The following POM121L12 variants were observed in gnomAD, a reference collection of about 807,000 sequenced individuals.
The protein encoded by POM121L12 is POM121-like protein 12.
For synonymous variants in POM121L12, 251 were observed against 179.2 expected (o/e 1.40, Z -3.20); for missense variants, 553 against 409.2 (o/e 1.35, Z -3.03).
chr7:53,036,065 C>T lies in POM121L12; in HGVS notation c.394C>T (p.Arg132Trp), dbSNP rs371219263. 21 of 1,612,950 alleles carry T rather than the reference C, an allele frequency of 1.3e-5. No homozygotes were observed. Among genetic ancestry groups the T allele is most frequent in the Non-Finnish European group, 1.5e-5 (18 of 1,179,848 alleles). Residue 132 changes from arginine to tryptophan, a missense_variant, in exon 1 of 1, where the codon CGG becomes TGG. Arg to Trp is a moderately radical substitution (Grantham distance 101). Coordinates refer to ENST00000408890, the MANE Select transcript of POM121L12 (RefSeq NM_182595.4). ...GCTGTGTCGTGCCTGGAACCCAGGA[C>T]GGACCTGGAGCCCGGTGACCATCGG... ...GGLCRAWNPG[R>W]TWSPVTIGIA...
In POM121L12 at chr7:53,035,917, C is replaced by A. The variant is rs754698994; in HGVS notation, c.246C>A (p.Pro82=). The A allele has an allele frequency of 1.2e-6, 2 of 1,612,706 alleles. No individual in the cohort carries two copies. The highest frequency in any genetic ancestry group is 1.7e-6 in the Non-Finnish European group (2 of 1,179,668). The change falls in exon 1 of 1, where the codon CCC becomes CCA. Residue 82 remains proline (P), a synonymous_variant. Transcript: ENST00000408890. ...VPSTHLIEVR[P]TQDPAKPQRV... ...GCACCCACCTCATCGAGGTGCGGCCCACCCAGGACCCCGCCAAGCCGCAGC... is the reference window on the plus strand; with the variant it reads ...GCACCCACCTCATCGAGGTGCGGCCAACCCAGGACCCCGCCAAGCCGCAGC...
rs1225308360 is a variant in POM121L12, at chr7:53,035,667, C to T, written c.-5C>T. ...AAGCGCCCAGAGGCCAACGGTCCCC[C>T]AGCCATGGGCGCTGCAGCTCCGGCC... is the stretch of plus-strand genomic sequence containing the variant. On this transcript the variant is annotated 5_prime_UTR_variant, in exon 1 of 1. Coordinates refer to ENST00000408890, the MANE Select transcript of POM121L12 (RefSeq NM_182595.4). The T allele has an allele frequency of 1.3e-6, 2 of 1,556,830 alleles. No individual in the cohort carries two copies. Among genetic ancestry groups the T allele is most frequent in the African/African-American group, 1.4e-5 (1 of 73,286 alleles).
rs966993074 is a variant in POM121L12 at position 53,036,757 on chromosome 7, C to T, written c.*195C>T. Reference sequence around the variant, plus strand: ...CCCCAGCAGCTGTTGATTTCAGAACCCTTGCCTTCGCCCTGCTGGCCCTCT... The same window carrying T: ...CCCCAGCAGCTGTTGATTTCAGAACTCTTGCCTTCGCCCTGCTGGCCCTCT... On this transcript the variant is annotated 3_prime_UTR_variant, in exon 1 of 1. Transcript: ENST00000408890. 3.6e-5 allele frequency: 22 copies of T among 613,768 alleles called. No individual in the cohort carries two copies. Among genetic ancestry groups the T allele is most frequent in the Middle Eastern group, 7.8e-4 (2 of 2,560 alleles). 38.0% of individuals were successfully genotyped at this position (613,768 alleles called of 1,614,324 possible). A position where few individuals can be genotyped will look rare whatever the true frequency, so the allele number is the denominator to read the frequency against.
rs201211581 is a variant in POM121L12, at chr7:53,035,776, G to C, written c.105G>C (p.Arg35Ser). 6.2e-6 allele frequency: 10 copies of C among 1,613,486 alleles called. No homozygotes were observed. The highest frequency in any genetic ancestry group is 3.3e-5 in the Admixed American group (2 of 60,006). ...ACGCCCTGGCGGCTCCCATGAGCAG[G>C]TCACCCAGCACGCCCCAGACCACGC... ...GPDALAAPMS[R>S]SPSTPQTTPS... The change falls in exon 1 of 1, where the codon AGG (arginine) becomes AGC (serine). Residue 35 changes from arginine (R) to serine (S), a missense_variant. Arg to Ser is a moderately radical substitution (Grantham distance 110). Transcript: ENST00000408890.
In POM121L12 at chr7:53,035,811, A is replaced by T; in HGVS notation, c.140A>T (p.Gln47Leu). 6.2e-7 allele frequency: 1 copy of T among 1,613,650 alleles called. No homozygotes were observed. Residue 47 changes from glutamine to leucine, a missense_variant, in exon 1 of 1, where the codon CAG (glutamine) becomes CTG (leucine). By Grantham distance (113) the Gln-to-Leu change is moderately radical. Coordinates refer to ENST00000408890, the MANE Select transcript of POM121L12 (RefSeq NM_182595.4). ...PSTPQTTPSP[Q>L]GRQSPWPLRS... The stretch of plus-strand genomic sequence containing the variant: ...ACGCCCCAGACCACGCCATCTCCCC[A>T]GGGTCGCCAGAGTCCCTGGCCCCTG...
rs2116358294 is a variant in POM121L12, at chr7:53,036,510, GGGT to G, written c.840_842del (p.Arg280_Val281delinsSer). The G allele has an allele frequency of 1.2e-6, 2 of 1,613,882 alleles. No individual in the cohort carries two copies. Among genetic ancestry groups the G allele is most frequent in the South Asian group, 2.2e-5 (2 of 91,066 alleles). On this transcript the variant is annotated inframe_deletion, in exon 1 of 1. Coordinates refer to ENST00000408890, the MANE Select transcript of POM121L12 (RefSeq NM_182595.4). ...ACGCCTTCCTGCGGCAGCTGCAGTAGGGTCTCCTTCGCCCTCGAGGTCACCCAG... is the reference window on the plus strand; with the variant it reads ...ACGCCTTCCTGCGGCAGCTGCAGTAGCTCCTTCGCCCTCGAGGTCACCCAG...
rs765486759 is a variant in POM121L12, at chr7:53,035,945, G to A, written c.274G>A (p.Val92Met). Residue 92 changes from valine to methionine, a missense_variant, in exon 1 of 1, where the codon GTG (valine) becomes ATG (methionine). Transcript: ENST00000408890. ...CCAGGACCCCGCCAAGCCGCAGCGG[G>A]TGGTCTCCGAGGGCTGGAGGCGCCC... is the stretch of plus-strand genomic sequence containing the variant. ...PTQDPAKPQR[V>M]VSEGWRRPAL... 6.2e-7 allele frequency: 1 copy of A among 1,612,776 alleles called. No homozygotes were observed. The highest frequency in any genetic ancestry group is 8.5e-7 in the Non-Finnish European group (1 of 1,179,610).
Position 53,036,634 on chromosome 7 carries a change from C to G in POM121L12, c.*72C>G. ...CTACTTTCACTTGCTCATCCTTGCT[C>G]TACCTCAACGTGGGGCCCTGACACC... On this transcript the variant is annotated 3_prime_UTR_variant, in exon 1 of 1. Transcript: ENST00000408890. The G allele has an allele frequency of 6.7e-7, 1 of 1,498,534 alleles. No homozygotes were observed. The highest frequency in any genetic ancestry group is 9.0e-7 in the Non-Finnish European group (1 of 1,111,906). 92.8% of individuals were successfully genotyped at this position (1,498,534 alleles called of 1,614,324 possible). A position where few individuals can be genotyped will look rare whatever the true frequency, so the allele number is the denominator to read the frequency against.
In POM121L12 at chr7:53,035,816, C is replaced by G. The variant is rs1787536711; in HGVS notation, c.145C>G (p.Arg49Gly). The change falls in exon 1 of 1, where the codon CGC becomes GGC. Residue 49 changes from arginine to glycine, a missense_variant. Coordinates refer to ENST00000408890, the MANE Select transcript of POM121L12 (RefSeq NM_182595.4). ...TPQTTPSPQG[R>G]QSPWPLRSLT... ...CCAGACCACGCCATCTCCCCAGGGT[C>G]GCCAGAGTCCCTGGCCCCTGAGGTC... The G allele has an allele frequency of 3.1e-6, 5 of 1,613,728 alleles. No individual in the cohort carries two copies. The highest frequency in any genetic ancestry group is 4.2e-6 in the Non-Finnish European group (5 of 1,179,874).
Position 53,036,660 on chromosome 7 carries a change from A to G in POM121L12, c.*98A>G. On this transcript the variant is annotated 3_prime_UTR_variant, in exon 1 of 1. Coordinates refer to ENST00000408890, the MANE Select transcript of POM121L12 (RefSeq NM_182595.4). ...TACCTCAACGTGGGGCCCTGACACC[A>G]CGTTATCAAACATGCAGCCCCCACA... The G allele has an allele frequency of 7.6e-7, 1 of 1,322,148 alleles. No homozygotes were observed. Among genetic ancestry groups the G allele is most frequent in the Non-Finnish European group, 1.0e-6 (1 of 959,354 alleles). The allele number at this position is 1,322,148 out of a possible 1,614,324, so 81.9% of individuals were successfully genotyped here. A position where few individuals can be genotyped will look rare whatever the true frequency, so the allele number is the denominator to read the frequency against.
Position 53,035,710 on chromosome 7 carries a change from G to C in POM121L12, c.39G>C (p.Gly13=). Residue 13 remains glycine (G), a synonymous_variant, in exon 1 of 1, where the codon GGG becomes GGC. Coordinates refer to ENST00000408890, the MANE Select transcript of POM121L12 (RefSeq NM_182595.4). ...CTCCGGCCGAGTCCGCAGACCTCGG[G>C]AACTTCTGGAAGGCGGGAGAACCCC... ...AAAPAESADL[G]NFWKAGEPLL... 1.2e-6 allele frequency: 2 copies of C among 1,608,812 alleles called. No individual in the cohort carries two copies. The highest frequency in any genetic ancestry group is 1.7e-6 in the Non-Finnish European group (2 of 1,178,014).
rs780922374 is a variant in POM121L12, at chr7:53,036,325, G to A, written c.654G>A (p.Lys218=). The A allele has an allele frequency of 5.6e-6, 9 of 1,613,914 alleles. No individual in the cohort carries two copies. The highest frequency in any genetic ancestry group is 7.6e-6 in the Non-Finnish European group (9 of 1,180,006). ...RNLQPRPSAF[K]PLSKNGAVAS... is the part of the protein sequence containing the mutation. ...TGCAGCCCCGGCCCTCTGCCTTCAA[G>A]CCCCTGAGCAAAAATGGAGCGGTTG... The change falls in exon 1 of 1, where the codon AAG becomes AAA. Residue 218 remains lysine (K), a synonymous_variant. Transcript: ENST00000408890.
At position 53,036,633 on chromosome 7, in the gene POM121L12, T is replaced by C; in HGVS notation, c.*71T>C. 1 of 1,501,558 alleles carries C rather than the reference T, an allele frequency of 6.7e-7. No individual in the cohort carries two copies. Among genetic ancestry groups the C allele is most frequent in the Non-Finnish European group, 9.0e-7 (1 of 1,114,404 alleles). The allele number at this position is 1,501,558 out of a possible 1,614,324, so 93.0% of individuals were successfully genotyped here. On this transcript the variant is annotated 3_prime_UTR_variant, in exon 1 of 1. Transcript: ENST00000408890. ...TCTACTTTCACTTGCTCATCCTTGC[T>C]CTACCTCAACGTGGGGCCCTGACAC...
rs1412131488 is a variant in POM121L12 at position 53,035,857 on chromosome 7, T to C, written c.186T>C (p.His62=). The C allele has an allele frequency of 6.2e-7, 1 of 1,613,352 alleles. No homozygotes were observed. The highest frequency in any genetic ancestry group is 1.1e-5 in the South Asian group (1 of 91,076). Residue 62 remains histidine (H), a synonymous_variant, in exon 1 of 1, where the codon CAT becomes CAC. Coordinates refer to ENST00000408890, the MANE Select transcript of POM121L12 (RefSeq NM_182595.4). ...CCCTGAGGTCCCTGACTCAGAGCCATATTCAGTACTTCCAGTGGGGGCGCC... is the reference window on the plus strand; with the variant it reads ...CCCTGAGGTCCCTGACTCAGAGCCACATTCAGTACTTCCAGTGGGGGCGCC... The part of the protein sequence containing the change: ...PWPLRSLTQS[H]IQYFQWGRPV...
chr7:53,035,848 T>C lies in POM121L12; in HGVS notation c.177T>C (p.Thr59=). The C allele has an allele frequency of 6.2e-7, 1 of 1,613,494 alleles. No individual in the cohort carries two copies. The highest frequency in any genetic ancestry group is 1.1e-5 in the South Asian group (1 of 91,076). The change falls in exon 1 of 1, where the codon ACT becomes ACC. Residue 59 remains threonine (T), a synonymous_variant. Coordinates refer to ENST00000408890, the MANE Select transcript of POM121L12 (RefSeq NM_182595.4). ...GTCCCTGGCCCCTGAGGTCCCTGAC[T>C]CAGAGCCATATTCAGTACTTCCAGT... ...RQSPWPLRSL[T]QSHIQYFQWG...
Position 53,036,024 on chromosome 7 carries a change from G to A in POM121L12, c.353G>A (p.Gly118Asp). 1 of 1,613,170 alleles carries A rather than the reference G, an allele frequency of 6.2e-7. No individual in the cohort carries two copies. Residue 118 changes from glycine (G) to aspartate (D), a missense_variant, in exon 1 of 1, where the codon GGT becomes GAT. Gly to Asp is a moderately conservative substitution (Grantham distance 94). Coordinates refer to ENST00000408890, the MANE Select transcript of POM121L12 (RefSeq NM_182595.4). ...LGRDLSCAWEGCMKGGLCRAW... is the reference protein window; with the variant it reads ...LGRDLSCAWEDCMKGGLCRAW... ...CGAGACCTCTCCTGTGCCTGGGAGG[G>A]TTGCATGAAAGGGGGGCTGTGTCGT...
rs1455413883 is a variant in POM121L12 at position 53,035,680 on chromosome 7, T to C, written c.9T>C (p.Ala3=). 2 of 1,579,984 alleles carry C rather than the reference T, an allele frequency of 1.3e-6. No homozygotes were observed. Among genetic ancestry groups the C allele is most frequent in the African/African-American group, 2.7e-5 (2 of 73,956 alleles). ...CCAACGGTCCCCCAGCCATGGGCGCTGCAGCTCCGGCCGAGTCCGCAGACC... is the reference window on the plus strand; with the variant it reads ...CCAACGGTCCCCCAGCCATGGGCGCCGCAGCTCCGGCCGAGTCCGCAGACC... MG[A]AAPAESADLG... is the part of the protein sequence containing the mutation. Residue 3 remains alanine, a synonymous_variant, in exon 1 of 1, where the codon GCT becomes GCC. Coordinates refer to ENST00000408890, the MANE Select transcript of POM121L12 (RefSeq NM_182595.4).
the POM121L12 span, chr7:53,036,200 ACT>A: frequency 1.2e-6 from 2 of 1,610,822 alleles, no homozygotes; most frequent in African/African-American, 1.3e-5. Context: ...CACCCGGGAG[ACT>A]CTGCTGGGGG....
At chr7:53,036,525 TC>T in the POM121L12 span, 1 of 1,613,344 alleles carries the variant, frequency 6.2e-7, no homozygotes, top group Non-Finnish European at 8.5e-7. Context: ...TCCTTCGCCC[TC>T]GAGGTCACCC....
Sources: gnomAD v4.1 joint callset for allele counts on GRCh38, gnomAD v4.1.1 for gene constraint, MANE v1.5 for transcripts, NCBI Gene and HGNC (gene_info 2026-07-23, HGNC 2026-07-21) for gene names.